The following TMEM232 variants were observed in gnomAD, a reference collection of about 807,000 sequenced individuals.
The protein encoded by TMEM232 is transmembrane protein 232.
In TMEM232, 80 loss-of-function variants were observed where a neutral mutation model predicts 78.8. The observed-to-expected ratio is 1.01, with a 90% CI of 0.85 to 1.22. The LOEUF (loss-of-function observed/expected upper bound fraction) is 1.22. Ranked by LOEUF, TMEM232 falls within the 50% of genes most tolerant of loss-of-function variation. TMEM232 has a pLI of 0.00. For missense variants in TMEM232, 881 were observed against 742.2 expected, an observed-to-expected ratio of 1.19 and a Z score of -2.17; for synonymous variants, 297 against 254.3, an observed-to-expected ratio of 1.17 and a Z score of -1.60.
intron 12 of TMEM232, among the ~76,000 whole-genome samples, chr5:110,454,378 T>A (rs999580750): frequency 1.3e-5 from 2 of 152,186 alleles, no homozygotes; most frequent in South Asian, 4.2e-4. Flanking sequence ...AGGCTACTGA[T>A]GAGGCTGAGG....
downstream of TMEM232, among the ~76,000 whole-genome samples, chr5:110,414,782 G>A (rs12513985): frequency 0.059 from 8,987 of 152,186 alleles, 525 homozygotes; most frequent in East Asian, 0.21. Flanking sequence ...TCTGGTGTGT[G>A]TAAGGAAGTA....
chr5:110,524,403 G>GA (rs1242145512), intron 12 of TMEM232, among the ~76,000 whole-genome samples: 2,639 of 76,140 alleles, frequency 0.035, 90 homozygotes, highest in African/African-American at 0.13. Context: ...AAGAAAGAAA[G>GA]AAAGAAAGAA....
intron 3 of TMEM232, among the ~76,000 whole-genome samples, chr5:110,391,326 T>TGTGTGA (rs549361387): frequency 0.011 from 1,598 of 139,820 alleles, 11 homozygotes; most frequent in Non-Finnish European, 0.013. Context: ...TGTGTGTGTG[T>TGTGTGA]GAGAGAGAGA....
intron 1 of TMEM232, chr5:110,684,833 C>T (rs1296917332): frequency 2.0e-5 from 3 of 152,116 alleles, no homozygotes; most frequent in Admixed American, 2.0e-4. Context: ...AGGCACAGGA[C>T]CTGGGCTGAG....
At chr5:110,542,699 G>A (rs1355787088) in intron 11 of TMEM232, among the ~76,000 whole-genome samples, 3 of 152,072 alleles carry the variant, frequency 2.0e-5, no homozygotes, top group Admixed American at 6.6e-5. Flanking sequence ...GGGAACCTAA[G>A]GCCAATTCAC....
intron 7 of TMEM232, 142 bp from the exon 8 acceptor site, chr5:110,618,704 G>T: frequency 1.1e-6 from 1 of 922,524 alleles, no homozygotes. Flanking sequence ...TCACCAAGTG[G>T]AGCAATTTAC....
At chr5:110,556,658 A>C (rs1775130684) in intron 11 of TMEM232, among the ~76,000 whole-genome samples, 1 of 152,138 alleles carries the variant, frequency 6.6e-6, no homozygotes. Flanking sequence ...CAGTGCTGGG[A>C]TTACAAGCCC....
intron 12 of TMEM232, among the ~76,000 whole-genome samples, chr5:110,453,541 TC>T (rs1760552588): frequency 6.6e-6 from 1 of 152,100 alleles, no homozygotes. Context: ...GACCTCATGA[TC>T]CGCCTGCCTC....
At chr5:110,530,932 GTAT>G (rs1375790729) in intron 11 of TMEM232, among the ~76,000 whole-genome samples, 1 of 152,094 alleles carries the variant, frequency 6.6e-6, no homozygotes, top group Admixed American at 6.6e-5. Flanking sequence ...CACAATGTAT[GTAT>G]TGTCAGGCCT....
intron 5 of TMEM232, among the ~76,000 whole-genome samples, chr5:110,632,473 C>G (rs188398080): frequency 2.0e-5 from 3 of 151,700 alleles, no homozygotes; most frequent in African/African-American, 7.2e-5. Context: ...CAGTTAGATA[C>G]AAGAGAATTT....
intron 11 of TMEM232, among the ~76,000 whole-genome samples, chr5:110,536,897 G>A (rs1170487278): frequency 6.6e-6 from 1 of 152,170 alleles, no homozygotes; most frequent in Admixed American, 6.5e-5. Flanking sequence ...GTTGCTTTAA[G>A]TGGGATAGGA....
At chr5:110,624,459 A>T (rs1580402814) in intron 7 of TMEM232, among the ~76,000 whole-genome samples, 1 of 152,240 alleles carries the variant, frequency 6.6e-6, no homozygotes, top group East Asian at 1.9e-4. Flanking sequence ...TAGATCACAG[A>T]ACCAGTTCAT....
intron 11 of TMEM232, among the ~76,000 whole-genome samples, chr5:110,561,508 T>G (rs185762598): frequency 6.1e-4 from 93 of 152,172 alleles, no homozygotes; most frequent in Middle Eastern, 3.4e-3. Context: ...TTAGCAATCA[T>G]AAGTGTCTTT....
At chr5:110,607,918 A>C (rs1781714501) in intron 8 of TMEM232, among the ~76,000 whole-genome samples, 1 of 151,972 alleles carries the variant, frequency 6.6e-6, no homozygotes, top group African/African-American at 2.4e-5. Flanking sequence ...ATGACAGAAA[A>C]GGAAGCTAGA....
chr5:110,426,401 G>T (rs887878307), intron 12 of TMEM232, among the ~76,000 whole-genome samples: 2 of 151,992 alleles, frequency 1.3e-5, no homozygotes, highest in African/African-American at 4.8e-5. Flanking sequence ...ATGAATGTTT[G>T]TATGTTTGCT....
intron 10 of TMEM232, among the ~76,000 whole-genome samples, chr5:110,603,691 G>A (rs1182613748): frequency 6.6e-6 from 1 of 151,894 alleles, no homozygotes; most frequent in Non-Finnish European, 1.5e-5. Flanking sequence ...ATATAAACAT[G>A]GAAGAAATAT....
intron 12 of TMEM232, among the ~76,000 whole-genome samples, chr5:110,456,608 A>G (rs978667325): frequency 3.3e-5 from 5 of 152,138 alleles, no homozygotes; most frequent in African/African-American, 7.2e-5. Flanking sequence ...AAATAAAAAT[A>G]CTATCTGGTT....
chr5:110,650,665 T>C (rs758805783), intron 2 of TMEM232, among the ~76,000 whole-genome samples: 3 of 152,040 alleles, frequency 2.0e-5, no homozygotes, highest in Non-Finnish European at 2.9e-5. Context: ...AAAATTGTCA[T>C]GGTCATTAAA....
chr5:110,598,608 A>G (rs1032539668), intron 10 of TMEM232, among the ~76,000 whole-genome samples: 1 of 152,042 alleles, frequency 6.6e-6, no homozygotes, highest in African/African-American at 2.4e-5. Context: ...CTTAGAACCA[A>G]CCCAAATGTC....
Sources: gnomAD v4.1 joint callset for allele counts (sites outside exome capture counted in the v4.1 genomes callset) on GRCh38, gnomAD v4.1.1 for gene constraint, MANE v1.5 for transcripts, NCBI Gene and HGNC (gene_info 2026-07-23, HGNC 2026-07-21) for gene names.